The following BASP1 variants were observed in gnomAD, a reference collection of about 807,000 sequenced individuals.
BASP1 encodes the protein brain acid soluble protein 1.
BASP1 carries 1 observed loss-of-function variant against 2.2 expected under a neutral mutation model. That is an observed-to-expected ratio of 0.46 (90% confidence interval 0.16 to 2.17). The LOEUF is 2.17. Among genes scored for constraint, BASP1 ranks in the 30% most tolerant of loss-of-function variants. BASP1 has a pLI of 0.27. For missense variants in BASP1, 352 were observed against 327.2 expected, an observed-to-expected ratio of 1.08 and a Z score of -0.58; for synonymous variants, 187 against 154.2, an observed-to-expected ratio of 1.21 and a Z score of -1.58.
chr5:17,231,466 G>A (rs934940064), intron 1 of BASP1, among the ~76,000 whole-genome samples: 1 of 152,024 alleles, frequency 6.6e-6, no homozygotes, highest in African/African-American at 2.4e-5. Flanking sequence ...CATTAAACCT[G>A]GAATAAAACA....
At chr5:17,253,631 G>C (rs1408533421) in intron 1 of BASP1, among the ~76,000 whole-genome samples, 1 of 152,110 alleles carries the variant, frequency 6.6e-6, no homozygotes, top group East Asian at 1.9e-4. Flanking sequence ...CTGGAATTCT[G>C]ATTAATCATG....
chr5:17,270,464 T>C (rs1740510032), intron 1 of BASP1, among the ~76,000 whole-genome samples: 1 of 152,246 alleles, frequency 6.6e-6, no homozygotes, highest in Non-Finnish European at 1.5e-5. Flanking sequence ...AGTAGTAAAA[T>C]ATTCAGAGCG....
chr5:17,244,695 T>G (rs999865897), intron 1 of BASP1, among the ~76,000 whole-genome samples: 2 of 133,106 alleles, frequency 1.5e-5, no homozygotes, highest in African/African-American at 5.9e-5. Flanking sequence ...AATTGTAGTG[T>G]TTTTTTTTTT....
chr5:17,221,467 T>G (rs530752994), intron 1 of BASP1, among the ~76,000 whole-genome samples: 1 of 152,174 alleles, frequency 6.6e-6, no homozygotes, highest in South Asian at 2.1e-4. Flanking sequence ...AGAAATGCGT[T>G]GATTTGTCCA....
Position 17,236,221 on chromosome 5 carries a change from T to C in BASP1, c.-10+18411T>C, listed in dbSNP as rs952195798. Among the ~76,000 whole-genome samples the C allele has an allele frequency of 1.9e-4, 29 of 152,110 alleles. No homozygotes were observed. Among genetic ancestry groups the C allele is most frequent in the African/African-American group, 6.5e-4 (27 of 41,396 alleles). Reference sequence around the variant, plus strand: ...CTTATTACACGTATTTAAACCAGTATTTACATTTGTAGGGATCTTGGGCAG... The same window carrying C: ...CTTATTACACGTATTTAAACCAGTACTTACATTTGTAGGGATCTTGGGCAG... On this transcript the variant is annotated intron_variant, in intron 1 of 1. Coordinates refer to ENST00000322611, the MANE Select transcript of BASP1 (RefSeq NM_006317.5). This position sits in a 1 kb window ranked among gnomAD's most constrained non-coding sequence, Gnocchi z 4.0.
intron 1 of BASP1, among the ~76,000 whole-genome samples, chr5:17,224,096 G>C (rs562528065): frequency 6.6e-6 from 1 of 152,294 alleles, no homozygotes; most frequent in South Asian, 2.1e-4. Context: ...AGCTATTTGG[G>C]GTGGATCAAT....
chr5:17,273,871 T>C (rs947229105), intron 1 of BASP1, among the ~76,000 whole-genome samples: 1 of 152,120 alleles, frequency 6.6e-6, no homozygotes, highest in African/African-American at 2.4e-5. Context: ...TATAATGTGA[T>C]TTCTGCCACG....
chr5:17,224,994 T>C (rs987448644), intron 1 of BASP1, among the ~76,000 whole-genome samples: 3 of 152,230 alleles, frequency 2.0e-5, no homozygotes, highest in Non-Finnish European at 4.4e-5. Flanking sequence ...CTCAGTCCTT[T>C]GTAAGTACTT....
intron 1 of BASP1, among the ~76,000 whole-genome samples, chr5:17,223,318 G>A (rs187263236): frequency 6.6e-6 from 1 of 152,288 alleles, no homozygotes; most frequent in Non-Finnish European, 1.5e-5. Flanking sequence ...GTTACTGTAA[G>A]TATTAAACAA....
intron 1 of BASP1, among the ~76,000 whole-genome samples, chr5:17,243,210 G>A (rs960587184): frequency 9.2e-5 from 14 of 151,412 alleles, no homozygotes; most frequent in Admixed American, 6.6e-5. Context: ...GTGCAGGGCC[G>A]CGATCTTGAC....
intron 1 of BASP1, among the ~76,000 whole-genome samples, chr5:17,261,445 A>G (rs1229262396): frequency 1.3e-5 from 2 of 152,242 alleles, no homozygotes; most frequent in African/African-American, 4.8e-5. Context: ...GCAGAATGAA[A>G]TACTGTAAGG....
At chr5:17,218,057 G>A (rs1260312322) in intron 1 of BASP1, among the ~76,000 whole-genome samples, 3 of 151,912 alleles carry the variant, frequency 2.0e-5, no homozygotes, top group Admixed American at 2.0e-4. Context: ...GGAGGGGTGA[G>A]GGGGGCGGCG....
intron 1 of BASP1, among the ~76,000 whole-genome samples, chr5:17,256,857 GA>G (rs964049582): frequency 3.9e-5 from 6 of 152,190 alleles, no homozygotes; most frequent in East Asian, 3.9e-4. Context: ...CTTTGTGTTT[GA>G]ATATAGGATT....
chr5:17,275,803 C>T lies in BASP1; in HGVS notation c.587C>T (p.Thr196Ile), dbSNP rs1206834336. ...GCAGCCACGGAAGCGCCTAGTTCCACACCCAAGGCCCAGGGCCCCGCAGCC... is the reference window on the plus strand; with the variant it reads ...GCAGCCACGGAAGCGCCTAGTTCCATACCCAAGGCCCAGGGCCCCGCAGCC... ...TPAATEAPSSTPKAQGPAASA... is the reference protein window; with the variant it reads ...TPAATEAPSSIPKAQGPAASA... Residue 196 changes from threonine to isoleucine, a missense_variant, in exon 2 of 2, where the codon ACA becomes ATA. Transcript: ENST00000322611. This position sits in a 1 kb window ranked among gnomAD's most constrained non-coding sequence, Gnocchi z 5.3. 4 of 1,612,962 alleles carry T rather than the reference C, an allele frequency of 2.5e-6. No homozygotes were observed. The highest frequency in any genetic ancestry group is 3.4e-6 in the Non-Finnish European group (4 of 1,179,642).
At chr5:17,274,125 G>T (rs1300621241) in intron 1 of BASP1, among the ~76,000 whole-genome samples, 1 of 152,174 alleles carries the variant, frequency 6.6e-6, no homozygotes, top group African/African-American at 2.4e-5. Context: ...AGTTTCTTGT[G>T]CCAGAATGAA....
rs1343026237 is a variant in BASP1, at chr5:17,224,422, C to T, written c.-10+6612C>T. Among the ~76,000 whole-genome samples the T allele has an allele frequency of 5.6e-5, 8 of 142,124 alleles. No individual in the cohort carries two copies. The Admixed American group carries it at 6.0e-4, about 11-fold the overall frequency. The allele number at this position is 142,124 out of a possible 152,430, so 93.2% of individuals were successfully genotyped here. On this transcript the variant is annotated intron_variant, in intron 1 of 1. Transcript: ENST00000322611. ...CACTGTACTTCTCCTAAGCCTTGGC[C>T]ATTTTATCTTAGGTAATATGGACTC...
At chr5:17,259,084 A>G (rs562998774) in intron 1 of BASP1, among the ~76,000 whole-genome samples, 1 of 152,238 alleles carries the variant, frequency 6.6e-6, no homozygotes, top group Non-Finnish European at 1.5e-5. Flanking sequence ...AATTTACAAA[A>G]GAAAGAGGTT....
At chr5:17,239,204 C>T (rs1579487225) in intron 1 of BASP1, among the ~76,000 whole-genome samples, 4 of 152,238 alleles carry the variant, frequency 2.6e-5, no homozygotes, top group African/African-American at 9.6e-5. Context: ...AGTGATTCTC[C>T]TGCCTCAGCC....
At position 17,236,031 on chromosome 5, in the gene BASP1, T is replaced by A. The variant is rs986678345; in HGVS notation, c.-10+18221T>A. On this transcript the variant is annotated intron_variant, in intron 1 of 1. Coordinates refer to ENST00000322611, the MANE Select transcript of BASP1 (RefSeq NM_006317.5). This position sits in a 1 kb window ranked among gnomAD's most constrained non-coding sequence, Gnocchi z 4.0. ...GCAAACTTTCTTAAAACATGAGACTTTTTTTTTTCTTTTTTAGCTCATTAG... is the reference window on the plus strand; with the variant it reads ...GCAAACTTTCTTAAAACATGAGACTATTTTTTTTCTTTTTTAGCTCATTAG... Among the ~76,000 whole-genome samples the A allele has an allele frequency of 2.6e-5, 4 of 151,486 alleles. No homozygotes were observed. In the East Asian group the frequency reaches 7.7e-4, roughly 29 times the overall value.
Sources: gnomAD v4.1 joint callset for allele counts (sites outside exome capture counted in the v4.1 genomes callset) on GRCh38, gnomAD v4.1.1 for gene constraint, Gnocchi (gnomAD v3.1) non-coding constraint, MANE v1.5 for transcripts, NCBI Gene and HGNC (gene_info 2026-07-23, HGNC 2026-07-21) for gene names.